SMIM13: variants seen among roughly 807,000 people sequenced by gnomAD.
SMIM13 encodes small integral membrane protein 13, also known as UPF0766 protein C6orf228.
In SMIM13, 3 loss-of-function variants were observed where a neutral mutation model predicts 5.9. The observed-to-expected ratio is 0.51, with a 90% CI of 0.23 to 1.31. SMIM13 has a LOEUF of 1.31. SMIM13 is among the 40% of genes most tolerant of loss of function. The pLI, the probability that SMIM13 is intolerant of heterozygous loss-of-function variation, is 0.18. For missense variants in SMIM13, 85 were observed against 109.9 expected (o/e 0.77, Z 1.01); for synonymous variants, 55 against 46.0 (o/e 1.19, Z -0.79).
intron 1 of SMIM13, among the ~76,000 whole-genome samples, chr6:11,109,062 T>G (rs1169847724): frequency 6.6e-6 from 1 of 152,218 alleles, no homozygotes; most frequent in Non-Finnish European, 1.5e-5. Context: ...GGGGTTGACC[T>G]GGGGAACTAT....
rs1758497342 is a variant in SMIM13 at position 11,134,723 on chromosome 6, G to C, written c.*121G>C. On this transcript the variant is annotated 3_prime_UTR_variant, in exon 2 of 2. Transcript: ENST00000416247. ...GGATTTTAAGTCGAATTTTAAAAAA[G>C]ATTTACATGTAAGCCATATAAAAAT... 3.9e-6 allele frequency: 3 copies of C among 760,732 alleles called. No homozygotes were observed. In the East Asian group the frequency reaches 9.2e-5, roughly 23 times the overall value. 47.1% of individuals were successfully genotyped at this position (760,732 alleles called of 1,614,324 possible).
At chr6:11,130,477 T>A (rs1758439698) in intron 1 of SMIM13, among the ~76,000 whole-genome samples, 2 of 152,048 alleles carry the variant, frequency 1.3e-5, no homozygotes, top group Admixed American at 6.6e-5. Context: ...CTCTCCAGAT[T>A]TGAGGATAAA....
chr6:11,126,347 C>T (rs567653625), intron 1 of SMIM13, among the ~76,000 whole-genome samples: 1 of 152,170 alleles, frequency 6.6e-6, no homozygotes, highest in Non-Finnish European at 1.5e-5. Flanking sequence ...GGCGCCCAGC[C>T]CTGGCTGCGT....
chr6:11,096,330 A>G (rs1030519107), intron 1 of SMIM13, among the ~76,000 whole-genome samples: 1 of 152,214 alleles, frequency 6.6e-6, no homozygotes, highest in Non-Finnish European at 1.5e-5. Flanking sequence ...AGAATCTGGT[A>G]TGTCGCTGAT....
chr6:11,104,470 T>C (rs1758052055), intron 1 of SMIM13: 2 of 1,551,866 alleles, frequency 1.3e-6, no homozygotes, highest in Non-Finnish European at 1.7e-6. Flanking sequence ...AATAAGGGGG[T>C]GAGGGAGGTT....
At chr6:11,102,250 TATATATGAATTAATTGACTTTTGAAAA>T (rs947696091) in intron 1 of SMIM13, among the ~76,000 whole-genome samples, 1 of 152,208 alleles carries the variant, frequency 6.6e-6, no homozygotes. Context: ...TACAGGTGGA[TATATATGAATTAATTGACTTTTGAAAA>T]ATCAATTTTT....
rs1757890463 is a variant in SMIM13, at chr6:11,094,200, C to T, written c.-114C>T. 3.1e-6 allele frequency: 1 copy of T among 325,530 alleles called. No individual in the cohort carries two copies. The highest frequency in any genetic ancestry group is 4.4e-6 in the Non-Finnish European group (1 of 226,322). 20.2% of individuals were successfully genotyped at this position (325,530 alleles called of 1,614,324 possible). A position where few individuals can be genotyped will look rare whatever the true frequency, so the allele number is the denominator to read the frequency against. On this transcript the variant is annotated 5_prime_UTR_variant, in exon 1 of 2. Coordinates refer to ENST00000416247, the MANE Select transcript of SMIM13 (RefSeq NM_001135575.2). ...GAGGGGGCGCCAGCCGCCCATGCCG[C>T]CCCGGCGCCCAGCCGCGCCTGGCGC...
chr6:11,105,413 TA>T, intron 1 of SMIM13: 1 of 816,696 alleles, frequency 1.2e-6, no homozygotes, highest in Non-Finnish European at 1.9e-6. Flanking sequence ...CAATTGCCAG[TA>T]AAATTTCTAG....
In SMIM13 at chr6:11,137,536, A is replaced by G. The variant is rs1273397594; in HGVS notation, c.*2934A>G. 6.6e-6 allele frequency: 1 copy of G among 152,180 alleles called. No individual in the cohort carries two copies. The highest frequency in any genetic ancestry group is 2.4e-5 in the African/African-American group (1 of 41,452). The allele number at this position is 152,180 out of a possible 1,614,324, so 9.4% of individuals were successfully genotyped here. On this transcript the variant is annotated 3_prime_UTR_variant, in exon 2 of 2. Coordinates refer to ENST00000416247, the MANE Select transcript of SMIM13 (RefSeq NM_001135575.2). ...ATAAGCATTAAAAACACATACATGT[A>G]TTAGAATCTTGTCTAACCCCTCACA...
intron 1 of SMIM13, among the ~76,000 whole-genome samples, chr6:11,107,379 G>A (rs907480539): frequency 8.5e-5 from 13 of 152,154 alleles, no homozygotes; most frequent in African/African-American, 3.1e-4. Context: ...CTAGATGTTG[G>A]ATTCCCAGTT....
At chr6:11,111,884 C>T (rs904438702) in intron 1 of SMIM13, among the ~76,000 whole-genome samples, 3 of 152,060 alleles carry the variant, frequency 2.0e-5, no homozygotes, top group African/African-American at 7.3e-5. Flanking sequence ...TGAAGTTGTG[C>T]GCATGCTTTC....
intron 1 of SMIM13, among the ~76,000 whole-genome samples, chr6:11,133,676 A>C (rs1000447130): frequency 2.0e-5 from 3 of 152,008 alleles, no homozygotes; most frequent in African/African-American, 7.2e-5. Flanking sequence ...TTATTGATTA[A>C]TGTTTGTTCC....
chr6:11,132,318 T>C (rs1012096720), intron 1 of SMIM13, among the ~76,000 whole-genome samples: 1 of 152,128 alleles, frequency 6.6e-6, no homozygotes, highest in Non-Finnish European at 1.5e-5. Context: ...ACATTGCAGG[T>C]GGGAATGTAA....
At position 11,123,476 on chromosome 6, in the gene SMIM13, G is replaced by A. The variant is rs116863637; in HGVS notation, c.77-10927G>A. Among the ~76,000 whole-genome samples the A allele has an allele frequency of 7.7e-4, 117 of 152,188 alleles. 3 individuals are homozygous for A. The East Asian group carries it at 0.02, about 27-fold the overall frequency. On this transcript the variant is annotated intron_variant, in intron 1 of 1. Transcript: ENST00000416247. Reference sequence around the variant, plus strand: ...AACTATGTGTGTGACTTTCTATTTCGTGTTATATTTGTCATAAGATGATTA... The same window carrying A: ...AACTATGTGTGTGACTTTCTATTTCATGTTATATTTGTCATAAGATGATTA...
At chr6:11,095,774 G>T (rs762243052) in intron 1 of SMIM13, among the ~76,000 whole-genome samples, 1 of 152,174 alleles carries the variant, frequency 6.6e-6, no homozygotes, top group Non-Finnish European at 1.5e-5. Context: ...TTCTGCTTGT[G>T]ATATCAACAA....
At chr6:11,132,261 G>A (rs147345800) in intron 1 of SMIM13, among the ~76,000 whole-genome samples, 78 of 152,216 alleles carry the variant, frequency 5.1e-4, no homozygotes, top group African/African-American at 1.8e-3. Flanking sequence ...TAAAAAAGAT[G>A]GACAATAAAA....
chr6:11,126,486 A>T (rs1581920403), intron 1 of SMIM13, among the ~76,000 whole-genome samples: 1 of 152,178 alleles, frequency 6.6e-6, no homozygotes, highest in East Asian at 1.9e-4. Flanking sequence ...TGCTTGATTT[A>T]AAAAAATTAT....
chr6:11,115,710 G>T, intron 1 of SMIM13, among the ~76,000 whole-genome samples: 1 of 140,464 alleles, frequency 7.1e-6, no homozygotes. Context: ...TTGAGACAGA[G>T]TTTCACTTTT....
At chr6:11,122,228 CTG>C (rs745389991) in intron 1 of SMIM13, among the ~76,000 whole-genome samples, 33 of 152,206 alleles carry the variant, frequency 2.2e-4, no homozygotes, top group Non-Finnish European at 4.0e-4. Context: ...TCTTGGCAAT[CTG>C]TGTTTTCTAA....
Sources: allele counts gnomAD v4.1 joint callset (sites outside exome capture counted in the v4.1 genomes callset), GRCh38; gene constraint gnomAD v4.1.1; transcripts MANE v1.5; gene names NCBI Gene and HGNC (gene_info 2026-07-23, HGNC 2026-07-21).